The following SUGCT variants were observed in gnomAD, a reference collection of about 807,000 sequenced individuals.
SUGCT encodes succinyl-CoA:glutarate-CoA transferase, also known as succinyl-CoA:glutarate CoA-transferase.
SUGCT carries 41 observed loss-of-function variants against 55.0 expected under a neutral mutation model. The ratio of observed to expected loss-of-function variants is 0.74; its 90% CI spans 0.58 to 0.97. The LOEUF is 0.97. Ranked by LOEUF, SUGCT falls within the 50% of genes least tolerant of loss-of-function variation. The pLI is 0.00. For missense variants in SUGCT, 568 were observed against 547.8 expected (o/e 1.04, Z -0.37); for synonymous variants, 187 against 200.4 (o/e 0.93, Z 0.56).
chr7:40,570,170 A>G (rs1584010843), intron 12 of SUGCT, among the ~76,000 whole-genome samples: 1 of 152,246 alleles, frequency 6.6e-6, no homozygotes, highest in South Asian at 2.1e-4. Flanking sequence ...CTTATTTTAA[A>G]CATTTTTGGT....
the SUGCT span, among the ~76,000 whole-genome samples, chr7:40,895,745 A>G: frequency 6.6e-6 from 1 of 152,228 alleles, no homozygotes; most frequent in Non-Finnish European, 1.5e-5. Flanking sequence ...CTCAAATAGT[A>G]AAAACAATCT....
chr7:40,481,414 T>C (rs1791029656), intron 11 of SUGCT, among the ~76,000 whole-genome samples: 1 of 151,360 alleles, frequency 6.6e-6, no homozygotes, highest in South Asian at 2.1e-4. Context: ...ATGAGATTAT[T>C]ATGTATATGA....
At chr7:40,296,612 C>CGTGTGTGTGTGTGTGTGT (rs10528858) in intron 8 of SUGCT, among the ~76,000 whole-genome samples, 2 of 144,726 alleles carry the variant, frequency 1.4e-5, no homozygotes, top group Admixed American at 6.9e-5. Flanking sequence ...GTGAGTGACT[C>CGTGTGTGTGTGTGTGTGT]GTGTGTGTGT....
chr7:40,988,170 C>CTTTAAT, the SUGCT span, among the ~76,000 whole-genome samples: 2 of 150,770 alleles, frequency 1.3e-5, no homozygotes, highest in East Asian at 1.9e-4. Flanking sequence ...TTGGTAAAGT[C>CTTTAAT]TTTAATTTTA....
the SUGCT span, among the ~76,000 whole-genome samples, chr7:40,880,256 A>G: frequency 1.3e-4 from 20 of 152,210 alleles, no homozygotes; most frequent in Non-Finnish European, 2.5e-4. Context: ...AACCAGAGGA[A>G]AGATTTTTGG....
At chr7:40,872,208 G>T in the SUGCT span, among the ~76,000 whole-genome samples, 1 of 152,146 alleles carries the variant, frequency 6.6e-6, no homozygotes, top group African/African-American at 2.4e-5. Flanking sequence ...GGGAGAGCGG[G>T]TGCCTGACCG....
chr7:40,980,267 G>T, the SUGCT span, among the ~76,000 whole-genome samples: 3 of 152,236 alleles, frequency 2.0e-5, no homozygotes, highest in African/African-American at 7.2e-5. Flanking sequence ...AACTCTCAAA[G>T]ACCCTGTCTC....
At chr7:40,447,405 GAAGAT>G (rs1189938285) in intron 9 of SUGCT, among the ~76,000 whole-genome samples, 1 of 152,104 alleles carries the variant, frequency 6.6e-6, no homozygotes, top group African/African-American at 2.4e-5. Context: ...GACAGAGCCT[GAAGAT>G]AAGAGACTTT....
chr7:40,436,902 T>C (rs1788207501), intron 9 of SUGCT, among the ~76,000 whole-genome samples: 1 of 152,218 alleles, frequency 6.6e-6, no homozygotes. Flanking sequence ...TGGTCTCTTG[T>C]CTAGAATTTT....
chr7:40,227,043 C>CT (rs35073564), intron 6 of SUGCT, among the ~76,000 whole-genome samples: 37,963 of 96,422 alleles, frequency 0.39, 10,207 homozygotes, highest in South Asian at 0.53. Context: ...TTTAATAGAT[C>CT]TTTTTTTTTT....
At chr7:40,577,956 A>G (rs1236168956) in intron 12 of SUGCT, among the ~76,000 whole-genome samples, 1 of 152,236 alleles carries the variant, frequency 6.6e-6, no homozygotes, top group Non-Finnish European at 1.5e-5. Context: ...TTTAGACATT[A>G]TCAACATATA....
chr7:40,574,597 A>G (rs1241038369), intron 12 of SUGCT, among the ~76,000 whole-genome samples: 2 of 152,026 alleles, frequency 1.3e-5, no homozygotes, highest in African/African-American at 2.4e-5. Flanking sequence ...ACACGCTGCT[A>G]ATTTCTGTAT....
intron 8 of SUGCT, among the ~76,000 whole-genome samples, chr7:40,311,888 A>G (rs1313865308): frequency 6.6e-6 from 1 of 152,204 alleles, no homozygotes; most frequent in East Asian, 1.9e-4. Context: ...GTTAAGTGCT[A>G]TGGAAACACA....
chr7:40,795,755 A>G (rs981419570), intron 13 of SUGCT, among the ~76,000 whole-genome samples: 4 of 152,184 alleles, frequency 2.6e-5, no homozygotes, highest in Admixed American at 2.0e-4. Flanking sequence ...CAACCAGCAG[A>G]ATGTGCATAG....
chr7:40,851,675 A>G (rs1184739992), intron 13 of SUGCT, among the ~76,000 whole-genome samples: 1 of 152,244 alleles, frequency 6.6e-6, no homozygotes, highest in African/African-American at 2.4e-5. Flanking sequence ...CATAACCTGT[A>G]AGCATGGCTT....
At chr7:40,244,037 G>A (rs1789645523) in intron 7 of SUGCT, among the ~76,000 whole-genome samples, 1 of 152,144 alleles carries the variant, frequency 6.6e-6, no homozygotes, top group Non-Finnish European at 1.5e-5. Context: ...GCTGAGTGTG[G>A]TGGCAGGTGC....
chr7:40,954,106 C>T, the SUGCT span, among the ~76,000 whole-genome samples: 1 of 145,866 alleles, frequency 6.9e-6, no homozygotes, highest in Non-Finnish European at 1.6e-5. Flanking sequence ...CCACCCAGTT[C>T]GAGCTTCCTG....
intron 13 of SUGCT, among the ~76,000 whole-genome samples, chr7:40,822,622 A>C (rs1792082407): frequency 6.6e-6 from 1 of 152,138 alleles, no homozygotes. Context: ...AATAGGAAAG[A>C]GAAATTGCAT....
intron 12 of SUGCT, among the ~76,000 whole-genome samples, chr7:40,679,265 G>C (rs1232425987): frequency 6.6e-6 from 1 of 152,226 alleles, no homozygotes. Context: ...CAATCTTGAA[G>C]ATAGCTGAAA....
Sources: allele counts gnomAD v4.1 joint callset (sites outside exome capture counted in the v4.1 genomes callset), GRCh38; gene constraint gnomAD v4.1.1; transcripts MANE v1.5; gene names NCBI Gene and HGNC (gene_info 2026-07-23, HGNC 2026-07-21).